The following TNR variants were observed in gnomAD, a reference collection of about 807,000 sequenced individuals.
The protein encoded by TNR is tenascin R.
In TNR, 45 loss-of-function variants were observed where a neutral mutation model predicts 150.4. The observed-to-expected ratio is 0.30, with a 90% confidence interval of 0.24 to 0.38. TNR has a LOEUF of 0.38. Ranked by LOEUF, TNR falls within the 10% of genes least tolerant of loss-of-function variation. The probability of loss-of-function intolerance (pLI) is 1.00; values close to 1 mark genes in which losing one functional copy is unlikely to be tolerated. For synonymous variants in TNR, 687 were observed against 678.4 expected, an observed-to-expected ratio of 1.01 and a Z score of -0.20; for missense variants, 1,544 against 1,759.1, an observed-to-expected ratio of 0.88 and a Z score of 2.19.
At chr1:175,560,105 T>G (rs1267038658) in intron 1 of TNR, among the ~76,000 whole-genome samples, 4 of 152,268 alleles carry the variant, frequency 2.6e-5, no homozygotes, top group Non-Finnish European at 5.9e-5. Flanking sequence ...GTTTTTCACA[T>G]GAATTATTCT....
At chr1:175,488,068 A>G (rs914051066) in intron 2 of TNR, among the ~76,000 whole-genome samples, 8 of 152,188 alleles carry the variant, frequency 5.3e-5, no homozygotes, top group Admixed American at 4.6e-4. Context: ...AGGAGACTTC[A>G]GTGCACAGAC....
At chr1:175,353,855 T>TA (rs1322302685) in intron 18 of TNR, among the ~76,000 whole-genome samples, 1 of 119,440 alleles carries the variant, frequency 8.4e-6, no homozygotes, top group South Asian at 2.4e-4. Context: ...TTATTTATTT[T>TA]TTTTTTTTGA....
chr1:175,430,730 A>G (rs1373152899), intron 2 of TNR, among the ~76,000 whole-genome samples: 1 of 152,062 alleles, frequency 6.6e-6, no homozygotes, highest in Non-Finnish European at 1.5e-5. Context: ...AAAGATAACC[A>G]TGTTTTTCAC....
At chr1:175,681,397 A>G (rs1666029854) in intron 1 of TNR, among the ~76,000 whole-genome samples, 1 of 152,216 alleles carries the variant, frequency 6.6e-6, no homozygotes, top group Non-Finnish European at 1.5e-5. Flanking sequence ...AGGAAGTCAA[A>G]GAGAACCAAG....
At chr1:175,466,568 G>A (rs1335176776) in intron 2 of TNR, among the ~76,000 whole-genome samples, 3 of 152,166 alleles carry the variant, frequency 2.0e-5, no homozygotes, top group Admixed American at 6.5e-5. Flanking sequence ...CCCTGCCATC[G>A]ATGGCCACAT....
At chr1:175,540,173 A>T (rs1660447002) in intron 1 of TNR, among the ~76,000 whole-genome samples, 1 of 152,222 alleles carries the variant, frequency 6.6e-6, no homozygotes. Context: ...CTCATCAACA[A>T]GTCCTTCCTC....
intron 1 of TNR, among the ~76,000 whole-genome samples, chr1:175,586,446 A>T (rs527238217): frequency 6.6e-6 from 1 of 152,098 alleles, no homozygotes; most frequent in Non-Finnish European, 1.5e-5. Flanking sequence ...GATTACAGGC[A>T]TCCGCCACCA....
chr1:175,724,474 A>G (rs762075336), intron 1 of TNR, among the ~76,000 whole-genome samples: 29 of 152,102 alleles, frequency 1.9e-4, no homozygotes, highest in Non-Finnish European at 3.8e-4. Flanking sequence ...CCATGATCCA[A>G]TCACCTCCCA....
intron 1 of TNR, among the ~76,000 whole-genome samples, chr1:175,727,104 G>A (rs1217258283): frequency 2.0e-5 from 3 of 152,200 alleles, no homozygotes; most frequent in Non-Finnish European, 4.4e-5. Flanking sequence ...CAATGACAAG[G>A]GAACTCTCCT....
chr1:175,414,922 G>A (rs1654368285), intron 2 of TNR, among the ~76,000 whole-genome samples: 1 of 151,302 alleles, frequency 6.6e-6, no homozygotes, highest in Middle Eastern at 3.4e-3. Context: ...ATACCAACAT[G>A]GGCCAGTGGG....
intron 6 of TNR, 42 bp from the exon 7 acceptor site, chr1:175,391,480 C>A (rs760500407): frequency 1.3e-6 from 2 of 1,595,382 alleles, no homozygotes; most frequent in Non-Finnish European, 8.5e-7. Flanking sequence ...AGAAAAGTCA[C>A]TGGGAGAGAA....
At chr1:175,474,613 A>G (rs1657464887) in intron 2 of TNR, among the ~76,000 whole-genome samples, 1 of 152,238 alleles carries the variant, frequency 6.6e-6, no homozygotes, top group African/African-American at 2.4e-5. Flanking sequence ...TAGGGAGAAG[A>G]AAGTGATCCA....
Position 175,436,643 on chromosome 1 carries a change from G to A in TNR, c.-63-29866C>T, listed in dbSNP as rs550452383. Among the ~76,000 whole-genome samples the A allele has an allele frequency of 1.1e-4, 16 of 152,198 alleles. No homozygotes were observed. In the South Asian group the frequency reaches 2.5e-3, roughly 24 times the overall value. On this transcript the variant is annotated intron_variant, in intron 2 of 22. Coordinates refer to ENST00000367674, the MANE Select transcript of TNR (RefSeq NM_003285.3). ...GCTGTATTCAGGAAACCCACCTCAC[G>A]TTCAGAGACACACATAGGCTCAAAT... is the stretch of plus-strand genomic sequence containing the variant.
intron 4 of TNR, among the ~76,000 whole-genome samples, chr1:175,399,602 C>T (rs1653602023): frequency 1.3e-5 from 2 of 152,214 alleles, no homozygotes; most frequent in Non-Finnish European, 2.9e-5. Context: ...GTACACTAGG[C>T]ATCAGTAATC....
chr1:175,597,233 T>G (rs1663046164), intron 1 of TNR, among the ~76,000 whole-genome samples: 1 of 152,084 alleles, frequency 6.6e-6, no homozygotes, highest in African/African-American at 2.4e-5. Context: ...GCCAGCACAG[T>G]GGTGAGATGA....
chr1:175,344,135 C>T (rs112707039), intron 18 of TNR, among the ~76,000 whole-genome samples: 273 of 152,318 alleles, frequency 1.8e-3, no homozygotes, highest in Middle Eastern at 3.4e-3. Flanking sequence ...AGATCTCTAT[C>T]GGCTACCCCT....
chr1:175,523,056 C>T (rs1659706913), intron 2 of TNR, among the ~76,000 whole-genome samples: 1 of 152,208 alleles, frequency 6.6e-6, no homozygotes, highest in South Asian at 2.1e-4. Flanking sequence ...GCGTGCTCTG[C>T]AATTCTCTGT....
Position 175,723,327 on chromosome 1 carries a change from C to T in TNR, c.-165+19899G>A, listed in dbSNP as rs565768764. On this transcript the variant is annotated intron_variant, in intron 1 of 22. Coordinates refer to ENST00000367674, the MANE Select transcript of TNR (RefSeq NM_003285.3). Reference sequence around the variant, plus strand: ...TGCAGCCCTCTTCTAAAAAGGGGTCCTCAGAAGGACTTTCATAGGAGCTCA... The same window carrying T: ...TGCAGCCCTCTTCTAAAAAGGGGTCTTCAGAAGGACTTTCATAGGAGCTCA... 4.6e-5 allele frequency among the ~76,000 whole-genome samples: 7 copies of T among 152,246 alleles called. No individual in the cohort carries two copies. The East Asian group carries it at 1.2e-3, about 25-fold the overall frequency.
At chr1:175,727,150 C>T (rs1278078822) in intron 1 of TNR, among the ~76,000 whole-genome samples, 1 of 152,224 alleles carries the variant, frequency 6.6e-6, no homozygotes, top group Non-Finnish European at 1.5e-5. Flanking sequence ...TTGTTGTCTA[C>T]TTAACAGTGC....
Sources: gnomAD v4.1 joint callset for allele counts (sites outside exome capture counted in the v4.1 genomes callset) on GRCh38, gnomAD v4.1.1 for gene constraint, MANE v1.5 for transcripts, NCBI Gene and HGNC (gene_info 2026-07-23, HGNC 2026-07-21) for gene names.